Variants in PLPP3 observed in about 807,000 individuals in gnomAD.
PLPP3 encodes PAP2 beta.
Under a neutral mutation model 29.6 loss-of-function variants are expected in PLPP3, and 6 were observed. The observed-to-expected ratio is 0.20, with a 90% CI of 0.11 to 0.40. PLPP3 has a LOEUF of 0.40. Ranked by LOEUF, PLPP3 falls within the 10% of genes least tolerant of loss-of-function variation. The pLI is 1.00. For synonymous variants in PLPP3, 152 were observed against 159.7 expected (o/e 0.95, Z 0.36); for missense variants, 308 against 407.7 (o/e 0.76, Z 2.11).
At chr1:56,571,306 TG>T (rs1295871068) in intron 1 of PLPP3, among the ~76,000 whole-genome samples, 1 of 152,206 alleles carries the variant, frequency 6.6e-6, no homozygotes, top group Non-Finnish European at 1.5e-5. Context: ...GTACTAGGCA[TG>T]TCCCCACCAC....
intron 2 of PLPP3, among the ~76,000 whole-genome samples, chr1:56,534,417 C>T (rs1455314393): frequency 1.3e-5 from 2 of 152,130 alleles, no homozygotes; most frequent in African/African-American, 2.4e-5. Flanking sequence ...ACTGCCATTC[C>T]GTTCCTTTGT....
At chr1:56,539,751 C>G (rs76549185) in intron 1 of PLPP3, among the ~76,000 whole-genome samples, 3,910 of 152,224 alleles carry the variant, frequency 0.026, 60 homozygotes, top group South Asian at 0.095. Context: ...CATATGGTCC[C>G]GAACCATCTT....
chr1:56,572,792 C>T (rs142372802), intron 1 of PLPP3, among the ~76,000 whole-genome samples: 40 of 152,236 alleles, frequency 2.6e-4, no homozygotes, highest in African/African-American at 9.6e-4. Flanking sequence ...AACTTCATTC[C>T]TACCTGATAA....
intron 5 of PLPP3, among the ~76,000 whole-genome samples, chr1:56,504,587 C>G (rs983402259): frequency 2.6e-5 from 4 of 152,080 alleles, no homozygotes; most frequent in Non-Finnish European, 5.9e-5. Context: ...GTCACCTCTC[C>G]CCATTATCCC....
intron 1 of PLPP3, among the ~76,000 whole-genome samples, chr1:56,576,233 T>C (rs1282108653): frequency 6.6e-6 from 1 of 152,146 alleles, no homozygotes; most frequent in East Asian, 1.9e-4. Flanking sequence ...TCTTATATAT[T>C]CCTGTGAGAG....
intron 1 of PLPP3, among the ~76,000 whole-genome samples, chr1:56,569,478 A>C (rs1037819764): frequency 6.6e-6 from 1 of 152,108 alleles, no homozygotes; most frequent in Non-Finnish European, 1.5e-5. Context: ...AGCCGCCTTT[A>C]GATATTTCTA....
At chr1:56,556,956 A>C (rs1367908313) in intron 1 of PLPP3, among the ~76,000 whole-genome samples, 6 of 3,458 alleles carry the variant, frequency 1.7e-3, no homozygotes, top group Admixed American at 7.1e-3. Flanking sequence ...GACAGAGAGA[A>C]AGAAAGAAAG....
At chr1:56,498,833 C>T (rs571003796) in intron 5 of PLPP3, among the ~76,000 whole-genome samples, 2 of 152,172 alleles carry the variant, frequency 1.3e-5, no homozygotes, top group East Asian at 3.9e-4. Context: ...GGGGTTTCAC[C>T]ATGCTGACCA....
rs1253915481 is a variant in PLPP3, at chr1:56,496,632, G to A, written c.855C>T (p.Ser285=). 6.2e-7 allele frequency: 1 copy of A among 1,613,918 alleles called. No individual in the cohort carries two copies. Among genetic ancestry groups the A allele is most frequent in the Non-Finnish European group, 8.5e-7 (1 of 1,179,878 alleles). The change falls in exon 6 of 6, where the codon TCC becomes TCT. Residue 285 remains serine, a synonymous_variant. Coordinates refer to ENST00000371250, the MANE Select transcript of PLPP3 (RefSeq NM_003713.5). ...CCTTCCGGATAGCAGGGGCAGGCAG[G>A]GAGAGCGTCGTCTTAGTCTTGAAGA... ...SDLFKTKTTL[S]LPAPAIRKEI...
At chr1:56,538,138 T>C (rs7519268) in intron 1 of PLPP3, among the ~76,000 whole-genome samples, 15,392 of 152,118 alleles carry the variant, frequency 0.1, 1,774 homozygotes, top group African/African-American at 0.27. Context: ...TGGCTCCCCA[T>C]GACACAGGGT....
chr1:56,572,048 T>TG (rs1219479969), intron 1 of PLPP3, among the ~76,000 whole-genome samples: 1 of 130,408 alleles, frequency 7.7e-6, no homozygotes, highest in East Asian at 2.2e-4. Flanking sequence ...TTCTGGTTTT[T>TG]TTTTTTTTTT....
At position 56,524,318 on chromosome 1, in the gene PLPP3, G is replaced by A. The variant is rs200887319; in HGVS notation, c.534C>T (p.Asn178=). 1 of 1,614,000 alleles carries A rather than the reference G, an allele frequency of 6.2e-7. No homozygotes were observed. The highest frequency in any genetic ancestry group is 1.3e-5 in the African/African-American group (1 of 75,020). Residue 178 remains asparagine, a synonymous_variant, in exon 3 of 6, where the codon AAC becomes AAT. Transcript: ENST00000371250. The surrounding 1 kb of genome is among the most constrained non-coding windows in gnomAD (Gnocchi z 4.3). ...TGCTGTCATCACCTCTGCATCTGTA[G>A]TTCTGAATGTAGCCTTCAGAGCAGT... ...QINCSEGYIQ[N]YRCRGDDSKV... is the part of the protein sequence containing the mutation.
At chr1:56,502,515 T>C (rs963097427) in intron 5 of PLPP3, among the ~76,000 whole-genome samples, 9 of 152,188 alleles carry the variant, frequency 5.9e-5, no homozygotes, top group African/African-American at 1.4e-4. Context: ...ACACTACAGT[T>C]ATTTGTTATC....
At chr1:56,519,998 G>A (rs1241814070) in intron 4 of PLPP3, among the ~76,000 whole-genome samples, 1 of 152,166 alleles carries the variant, frequency 6.6e-6, no homozygotes, top group Non-Finnish European at 1.5e-5. Flanking sequence ...CGATGGTAAT[G>A]TAGGCCTAAG....
At chr1:56,568,391 G>T in intron 1 of PLPP3, among the ~76,000 whole-genome samples, 1 of 152,192 alleles carries the variant, frequency 6.6e-6, no homozygotes, top group South Asian at 2.1e-4. Context: ...TCTAAGCCAA[G>T]AGGATTTATA....
intron 2 of PLPP3, among the ~76,000 whole-genome samples, chr1:56,535,506 A>C (rs563457623): frequency 1.3e-5 from 2 of 152,334 alleles, no homozygotes; most frequent in African/African-American, 4.8e-5. Context: ...GCCACAGCAC[A>C]TGACTGCTTC....
intron 2 of PLPP3, among the ~76,000 whole-genome samples, chr1:56,536,028 G>A (rs1645924700): frequency 6.6e-6 from 1 of 152,178 alleles, no homozygotes; most frequent in Non-Finnish European, 1.5e-5. Context: ...GTGTCTGGGA[G>A]CAGCCCACTA....
intron 1 of PLPP3, among the ~76,000 whole-genome samples, chr1:56,542,909 C>G (rs1430475276): frequency 6.6e-6 from 1 of 151,546 alleles, no homozygotes; most frequent in Non-Finnish European, 1.5e-5. Context: ...GTAGTCCCAG[C>G]TACTCAGGAG....
intron 2 of PLPP3, among the ~76,000 whole-genome samples, chr1:56,533,566 C>T (rs539703314): frequency 1.1e-4 from 17 of 151,808 alleles, no homozygotes; most frequent in African/African-American, 3.4e-4. Flanking sequence ...CCTTGAGCCC[C>T]GGTTGAGTTA....
Sources: gnomAD v4.1 joint callset for allele counts (sites outside exome capture counted in the v4.1 genomes callset) on GRCh38, gnomAD v4.1.1 for gene constraint, Gnocchi (gnomAD v3.1) non-coding constraint, MANE v1.5 for transcripts, NCBI Gene and HGNC (gene_info 2026-07-23, HGNC 2026-07-21) for gene names.